Variants in LARP1B observed in about 807,000 individuals in gnomAD.
LARP1B encodes la-related protein 1B.
Under a neutral mutation model 114.2 loss-of-function variants are expected in LARP1B, and 76 were observed. The ratio of observed to expected loss-of-function variants is 0.67; its 90% CI spans 0.55 to 0.81. The LOEUF (loss-of-function observed/expected upper bound fraction) is 0.81, where lower values mean the gene tolerates loss of function less well. Among genes scored for constraint, LARP1B ranks in the 30% least tolerant of loss-of-function variants. LARP1B has a pLI of 0.00. For missense variants in LARP1B, 1,014 were observed against 1,075.8 expected (o/e 0.94, Z 0.80); for synonymous variants, 345 against 348.0 (o/e 0.99, Z 0.10).
chr4:128,175,922 T>C (rs1236316887), intron 12 of LARP1B, among the ~76,000 whole-genome samples: 3 of 151,568 alleles, frequency 2.0e-5, no homozygotes, highest in African/African-American at 7.3e-5. Context: ...AACTAATTAG[T>C]GGGAATTGGA....
intron 15 of LARP1B, among the ~76,000 whole-genome samples, chr4:128,183,687 G>T (rs1399543062): frequency 1.3e-5 from 2 of 152,082 alleles, no homozygotes; most frequent in Non-Finnish European, 2.9e-5. Flanking sequence ...TTCATATATA[G>T]TATATTCATA....
chr4:128,128,696 TCTTG>T (rs1790462034), intron 11 of LARP1B, among the ~76,000 whole-genome samples: 1 of 152,200 alleles, frequency 6.6e-6, no homozygotes, highest in African/African-American at 2.4e-5. Flanking sequence ...AGTAAGTGCC[TCTTG>T]CTTTCACAAC....
intron 10 of LARP1B, among the ~76,000 whole-genome samples, chr4:128,119,076 G>A (rs997280352): frequency 2.0e-5 from 3 of 151,802 alleles, no homozygotes; most frequent in Non-Finnish European, 4.4e-5. Context: ...ATAGAGATGG[G>A]GTTTCACCAT....
rs576677143 is a variant in LARP1B at position 128,096,186 on chromosome 4, G to C, written c.669-2000G>C. 1.6e-4 allele frequency among the ~76,000 whole-genome samples: 24 copies of C among 151,872 alleles called. No individual in the cohort carries two copies. In the South Asian group the frequency reaches 3.5e-3, roughly 22 times the overall value. On this transcript the variant is annotated intron_variant, in intron 7 of 19. Coordinates refer to ENST00000326639, the MANE Select transcript of LARP1B (RefSeq NM_018078.4). ...TTTTTTGTATTTTTAGTAGAGACAGGGTTTCACCGTGTTAGCCAGGATGGT... is the reference window on the plus strand; with the variant it reads ...TTTTTTGTATTTTTAGTAGAGACAGCGTTTCACCGTGTTAGCCAGGATGGT...
intron 11 of LARP1B, among the ~76,000 whole-genome samples, chr4:128,132,230 A>G (rs1289666881): frequency 1.3e-5 from 2 of 152,050 alleles, no homozygotes; most frequent in Non-Finnish European, 2.9e-5. Context: ...GAAATGAAGT[A>G]CTATTTGTTT....
chr4:128,194,292 G>A (rs1485324784), intron 15 of LARP1B, among the ~76,000 whole-genome samples: 5 of 152,006 alleles, frequency 3.3e-5, no homozygotes, highest in Admixed American at 3.3e-4. Context: ...GGCTAGCCTT[G>A]GACCCCTGAT....
At chr4:128,165,248 G>A (rs1460793542) in intron 12 of LARP1B, among the ~76,000 whole-genome samples, 1 of 151,608 alleles carries the variant, frequency 6.6e-6, no homozygotes. Flanking sequence ...GTATGAGTGT[G>A]TATCAGCTCT....
intron 15 of LARP1B, among the ~76,000 whole-genome samples, chr4:128,185,988 A>G (rs1386891320): frequency 6.6e-6 from 1 of 152,064 alleles, no homozygotes; most frequent in African/African-American, 2.4e-5. Context: ...ATTGGCTGAT[A>G]ATGTGTAGAT....
intron 1 of LARP1B, among the ~76,000 whole-genome samples, chr4:128,065,737 G>C (rs1387793294): frequency 1.3e-5 from 2 of 152,076 alleles, no homozygotes; most frequent in Non-Finnish European, 2.9e-5. Context: ...CATAATACCA[G>C]AGTGCCACTT....
intron 15 of LARP1B, among the ~76,000 whole-genome samples, chr4:128,186,788 G>A (rs574468021): frequency 9.2e-5 from 14 of 152,310 alleles, no homozygotes; most frequent in East Asian, 1.9e-4. Context: ...ACCTCCCGCC[G>A]CAGGACCAGA....
At chr4:128,209,054 C>G (rs991013771) in intron 19 of LARP1B, among the ~76,000 whole-genome samples, 7 of 152,148 alleles carry the variant, frequency 4.6e-5, no homozygotes, top group Admixed American at 2.0e-4. Context: ...TTTCTTGGAG[C>G]CAAGGAACCC....
intron 1 of LARP1B, chr4:128,069,157 G>T: frequency 9.0e-7 from 1 of 1,109,096 alleles, no homozygotes; most frequent in Non-Finnish European, 1.4e-6. Context: ...ATCTTCCTAT[G>T]CTTGTGGACT....
intron 12 of LARP1B, among the ~76,000 whole-genome samples, chr4:128,165,147 A>T (rs1002796427): frequency 6.6e-6 from 1 of 151,754 alleles, no homozygotes; most frequent in Admixed American, 6.6e-5. Flanking sequence ...ATATTAATTT[A>T]CTCCTGAGGG....
chr4:128,190,451 C>A (rs2150781716), intron 15 of LARP1B, among the ~76,000 whole-genome samples: 1 of 152,182 alleles, frequency 6.6e-6, no homozygotes, highest in Admixed American at 6.5e-5. Context: ...TATGGTTTGG[C>A]TTTGTGTTCC....
At chr4:128,156,688 G>A (rs538295267) in intron 11 of LARP1B, among the ~76,000 whole-genome samples, 2 of 151,922 alleles carry the variant, frequency 1.3e-5, no homozygotes, top group Non-Finnish European at 2.9e-5. Flanking sequence ...CTCCTGAACC[G>A]CACAGCTTGG....
chr4:128,176,467 C>T (rs1581312120), intron 12 of LARP1B, among the ~76,000 whole-genome samples: 1 of 151,034 alleles, frequency 6.6e-6, no homozygotes, highest in African/African-American at 2.4e-5. Context: ...CTAATTTTTG[C>T]ATTTTTAGTA....
intron 1 of LARP1B, among the ~76,000 whole-genome samples, chr4:128,070,738 C>T (rs544933542): frequency 2.6e-5 from 4 of 151,568 alleles, no homozygotes; most frequent in South Asian, 4.2e-4. Context: ...CCAAGGTGAC[C>T]GGGGTTTGAG....
intron 11 of LARP1B, chr4:128,123,509 C>A: frequency 2.0e-6 from 1 of 490,784 alleles, no homozygotes; most frequent in Non-Finnish European, 2.6e-6. Context: ...TAGCATATAT[C>A]ATTATCTATA....
chr4:128,087,742 A>G (rs1417842945), intron 5 of LARP1B, among the ~76,000 whole-genome samples: 1 of 152,152 alleles, frequency 6.6e-6, no homozygotes, highest in Non-Finnish European at 1.5e-5. Context: ...AGCTAAATGC[A>G]GTGGTGCAAG....
Sources: gnomAD v4.1 joint callset for allele counts (sites outside exome capture counted in the v4.1 genomes callset) on GRCh38, gnomAD v4.1.1 for gene constraint, MANE v1.5 for transcripts, NCBI Gene and HGNC (gene_info 2026-07-23, HGNC 2026-07-21) for gene names.